The following HFM1 variants were observed in gnomAD, a reference collection of about 807,000 sequenced individuals.
The protein encoded by HFM1 is helicase for meiosis 1, also known as probable ATP-dependent DNA helicase HFM1.
In HFM1, 169 loss-of-function variants were observed where a neutral mutation model predicts 192.1. The observed-to-expected ratio is 0.88, with a 90% CI of 0.78 to 1.00. HFM1 has a LOEUF of 1.00. HFM1 is among the 50% of genes least tolerant of loss of function. HFM1 has a pLI of 0.00. For missense variants in HFM1, 1,661 were observed against 1,668.0 expected, an observed-to-expected ratio of 1.00 and a Z score of 0.07; for synonymous variants, 525 against 537.8, an observed-to-expected ratio of 0.98 and a Z score of 0.33.
chr1:91,359,481 T>A (rs1172167220), intron 13 of HFM1, among the ~76,000 whole-genome samples: 1 of 145,232 alleles, frequency 6.9e-6, no homozygotes, highest in Non-Finnish European at 1.5e-5. Flanking sequence ...AATAACAGAA[T>A]AGACCAAATG....
chr1:91,300,049 A>G (rs1440776468), intron 30 of HFM1, among the ~76,000 whole-genome samples: 2 of 152,148 alleles, frequency 1.3e-5, no homozygotes, highest in African/African-American at 2.4e-5. Flanking sequence ...AGACTAATAA[A>G]GAAGAAAAGA....
chr1:91,335,581 A>C (rs555528801), intron 20 of HFM1, among the ~76,000 whole-genome samples: 3 of 152,356 alleles, frequency 2.0e-5, no homozygotes, highest in South Asian at 2.1e-4. Flanking sequence ...CTTGCTATTA[A>C]TATAGCTACT....
chr1:91,358,621 C>T (rs1487446144), intron 13 of HFM1, among the ~76,000 whole-genome samples: 3 of 152,116 alleles, frequency 2.0e-5, no homozygotes, highest in African/African-American at 7.2e-5. Context: ...ACCCTTATAC[C>T]ATACACAAAA....
chr1:91,389,466 T>C (rs778733004), intron 4 of HFM1, among the ~76,000 whole-genome samples: 1 of 152,114 alleles, frequency 6.6e-6, no homozygotes, highest in Non-Finnish European at 1.5e-5. Context: ...TAATTGGGTT[T>C]AGATGAGGTC....
chr1:91,354,407 G>A (rs1321372294), intron 13 of HFM1, among the ~76,000 whole-genome samples: 1 of 151,724 alleles, frequency 6.6e-6, no homozygotes, highest in East Asian at 1.9e-4. Flanking sequence ...ATGAGGAAAA[G>A]GCATAGAAAG....
intron 13 of HFM1, among the ~76,000 whole-genome samples, chr1:91,374,716 T>C (rs887088834): frequency 1.3e-5 from 2 of 152,096 alleles, no homozygotes; most frequent in African/African-American, 2.4e-5. Context: ...GAGATAACTG[T>C]TGGTAGACAT....
chr1:91,305,852 G>A (rs550937071), intron 30 of HFM1, among the ~76,000 whole-genome samples: 51 of 152,060 alleles, frequency 3.4e-4, no homozygotes, highest in Non-Finnish European at 5.4e-4. Flanking sequence ...ATAGGTATGA[G>A]CCACTGCACC....
chr1:91,401,188 C>T lies in HFM1; in HGVS notation c.-27-79G>A, dbSNP rs1180625321. On this transcript the variant is annotated intron_variant, in intron 1 of 38. Transcript: ENST00000370425. ...TATTTCTGTATAATCACTAATTTTC[C>T]ACAGTCTCCTGTAAAATATAACCAC... 4.5e-6 allele frequency: 3 copies of T among 666,684 alleles called. No individual in the cohort carries two copies. The East Asian group carries it at 9.4e-5, about 21-fold the overall frequency. 41.3% of individuals were successfully genotyped at this position (666,684 alleles called of 1,614,324 possible).
intron 13 of HFM1, among the ~76,000 whole-genome samples, chr1:91,366,878 C>T (rs566430192): frequency 2.3e-4 from 35 of 152,330 alleles, no homozygotes; most frequent in African/African-American, 7.9e-4. Context: ...GGGTGACAGA[C>T]AGCACCTGGA....
intron 25 of HFM1, 91 bp from the exon 26 acceptor site, chr1:91,316,567 A>G: frequency 2.0e-6 from 1 of 512,698 alleles, no homozygotes. Flanking sequence ...TAGTAAAAAA[A>G]AAAAATTTTA....
intron 30 of HFM1, among the ~76,000 whole-genome samples, chr1:91,289,832 C>A (rs970049578): frequency 6.6e-6 from 1 of 151,834 alleles, no homozygotes; most frequent in African/African-American, 2.4e-5. Context: ...CTCAGCTCAG[C>A]ATCAGAGGGA....
chr1:91,309,518 CTAT>C (rs2101103942), intron 30 of HFM1, among the ~76,000 whole-genome samples: 1 of 152,284 alleles, frequency 6.6e-6, no homozygotes, highest in East Asian at 1.9e-4. Context: ...ATTAATTTTA[CTAT>C]TGAGATACAG....
chr1:91,261,820 T>C (rs956684001), intron 38 of HFM1: 1 of 155,482 alleles, frequency 6.4e-6, no homozygotes, highest in Non-Finnish European at 1.4e-5. Context: ...TGGCCAGCAG[T>C]GGGGGAACCC....
At chr1:91,281,341 GT>G (rs1667446852) in intron 30 of HFM1, among the ~76,000 whole-genome samples, 3 of 152,184 alleles carry the variant, frequency 2.0e-5, no homozygotes, top group Admixed American at 2.0e-4. Context: ...TATCCATCTT[GT>G]TTCTTTAAGT....
intron 30 of HFM1, among the ~76,000 whole-genome samples, chr1:91,284,716 A>T (rs1277155069): frequency 6.6e-6 from 1 of 152,186 alleles, no homozygotes. Context: ...CAGGCCTGAA[A>T]ATTTTTTAAT....
chr1:91,267,157 G>A (rs993813782), intron 35 of HFM1, among the ~76,000 whole-genome samples: 2 of 152,080 alleles, frequency 1.3e-5, no homozygotes, highest in African/African-American at 2.4e-5. Context: ...GTGAAATAGA[G>A]TAAATTTGCC....
chr1:91,346,343 A>G (rs774934244), intron 19 of HFM1, among the ~76,000 whole-genome samples: 6 of 152,186 alleles, frequency 3.9e-5, no homozygotes, highest in Non-Finnish European at 7.4e-5. Context: ...TTTTCAAAAT[A>G]TATGTTTAAT....
At chr1:91,302,544 C>T (rs1391237798) in intron 30 of HFM1, among the ~76,000 whole-genome samples, 1 of 152,032 alleles carries the variant, frequency 6.6e-6, no homozygotes, top group Non-Finnish European at 1.5e-5. Flanking sequence ...AAATGTCCAA[C>T]AATGATAGAC....
At chr1:91,391,854 A>C (rs1274895488) in intron 4 of HFM1, among the ~76,000 whole-genome samples, 1 of 151,930 alleles carries the variant, frequency 6.6e-6, no homozygotes, top group East Asian at 1.9e-4. Flanking sequence ...CATATGACAG[A>C]GGGCTAATAT....
Sources: allele counts gnomAD v4.1 joint callset (sites outside exome capture counted in the v4.1 genomes callset), GRCh38; gene constraint gnomAD v4.1.1; transcripts MANE v1.5; gene names NCBI Gene and HGNC (gene_info 2026-07-23, HGNC 2026-07-21).